Variants in SPIRE1 observed in about 807,000 individuals in gnomAD.
The protein encoded by SPIRE1 is spire type actin nucleation factor 1.
In SPIRE1, 40 loss-of-function variants were observed where a neutral mutation model predicts 94.1. That is an observed-to-expected ratio of 0.43 (90% CI 0.33 to 0.55). The LOEUF (loss-of-function observed/expected upper bound fraction) is 0.55, where lower values mean the gene tolerates loss of function less well. SPIRE1 is among the 20% of genes least tolerant of loss of function. The pLI is 0.06. For synonymous variants in SPIRE1, 376 were observed against 371.7 expected (o/e 1.01, Z -0.13); for missense variants, 838 against 975.2 (o/e 0.86, Z 1.87).
chr18:12,646,749 A>T (rs946286618), intron 1 of SPIRE1, among the ~76,000 whole-genome samples: 6 of 152,192 alleles, frequency 3.9e-5, no homozygotes, highest in Non-Finnish European at 7.3e-5. Flanking sequence ...GACTTAATTT[A>T]AAAAAATGTA....
At chr18:12,600,095 T>C (rs1362565384) in intron 2 of SPIRE1, among the ~76,000 whole-genome samples, 2 of 107,004 alleles carry the variant, frequency 1.9e-5, no homozygotes, top group Non-Finnish European at 1.9e-5. Flanking sequence ...CTCCAGCCAA[T>C]GGCCAGCAAA....
intron 2 of SPIRE1, among the ~76,000 whole-genome samples, chr18:12,554,386 A>G (rs191882511): frequency 3.2e-4 from 48 of 152,274 alleles, no homozygotes; most frequent in Admixed American, 1.6e-3. Flanking sequence ...AATAAATTGG[A>G]AAACTCAGAT....
At chr18:12,474,831 C>A (rs984750896) in intron 10 of SPIRE1, among the ~76,000 whole-genome samples, 3 of 151,922 alleles carry the variant, frequency 2.0e-5, no homozygotes, top group Admixed American at 6.6e-5. Context: ...AAAACCCCCC[C>A]AAAAAACCAT....
chr18:12,658,502 G>C (rs1242899115), upstream of SPIRE1: 2 of 456,606 alleles, frequency 4.4e-6, no homozygotes, highest in Non-Finnish European at 9.2e-6. Context: ...GACTCTGGCG[G>C]GGAACTGGGC....
chr18:12,602,040 G>A (rs944556884), intron 2 of SPIRE1, among the ~76,000 whole-genome samples: 4 of 152,118 alleles, frequency 2.6e-5, no homozygotes, highest in Admixed American at 6.5e-5. Flanking sequence ...GGGTGCCACT[G>A]CTTCCAGGCC....
chr18:12,454,816 G>GA (rs904548069), intron 12 of SPIRE1, among the ~76,000 whole-genome samples: 1 of 151,956 alleles, frequency 6.6e-6, no homozygotes, highest in African/African-American at 2.4e-5. Context: ...TTGAAATCTT[G>GA]AAAAAAATTT....
At chr18:12,603,271 T>C (rs1333883154) in intron 2 of SPIRE1, among the ~76,000 whole-genome samples, 1 of 152,218 alleles carries the variant, frequency 6.6e-6, no homozygotes, top group Non-Finnish European at 1.5e-5. Context: ...CATCATAAAG[T>C]CGAAAAATCT....
At chr18:12,619,544 T>TAAAAAATA (rs1454146208) in intron 2 of SPIRE1, among the ~76,000 whole-genome samples, 1 of 150,418 alleles carries the variant, frequency 6.6e-6, no homozygotes, top group East Asian at 2.0e-4. Flanking sequence ...AAAATAAAAA[T>TAAAAAATA]AAAAAATAAA....
In SPIRE1 at chr18:12,453,143, A is replaced by G; in HGVS notation, c.1777-5T>C. The G allele has an allele frequency of 6.2e-7, 1 of 1,602,708 alleles. No homozygotes were observed. The highest frequency in any genetic ancestry group is 8.5e-7 in the Non-Finnish European group (1 of 1,176,510). On this transcript the variant is annotated splice_region_variant and splice_polypyrimidine_tract_variant and intron_variant, in intron 13 of 16. Coordinates refer to ENST00000409402, the MANE Select transcript of SPIRE1 (RefSeq NM_001128626.2). The stretch of plus-strand genomic sequence containing the variant: ...GGTTCGGCAACAAAAGCAGAGCTAA[A>G]AAATACAAATTTAAGAGGAAAAAAA...
chr18:12,646,421 T>G (rs1463726691), intron 1 of SPIRE1, among the ~76,000 whole-genome samples: 1 of 152,184 alleles, frequency 6.6e-6, no homozygotes, highest in Non-Finnish European at 1.5e-5. Flanking sequence ...TTATCCCTCT[T>G]TGTATCGTCA....
At chr18:12,482,939 CTTTTT>C (rs11373716) in intron 9 of SPIRE1, among the ~76,000 whole-genome samples, 2 of 128,878 alleles carry the variant, frequency 1.6e-5, no homozygotes, top group African/African-American at 3.0e-5. Flanking sequence ...CTTAATTGCA[CTTTTT>C]TTTTTTTTTT....
intron 2 of SPIRE1, among the ~76,000 whole-genome samples, chr18:12,588,824 T>C (rs900534898): frequency 1.3e-5 from 2 of 152,222 alleles, no homozygotes. Flanking sequence ...TTTAACACTT[T>C]ACACTTGCTT....
chr18:12,602,423 T>G (rs1372887112), intron 2 of SPIRE1, among the ~76,000 whole-genome samples: 1 of 152,206 alleles, frequency 6.6e-6, no homozygotes, highest in Non-Finnish European at 1.5e-5. Flanking sequence ...ACTGGCTTAG[T>G]GAGTAGCCAG....
chr18:12,463,278 T>A, intron 12 of SPIRE1, 73 bp downstream of exon 12: 1 of 1,390,996 alleles, frequency 7.2e-7, no homozygotes, highest in Non-Finnish European at 9.6e-7. Flanking sequence ...CCTTATCATC[T>A]TCATAAGAAA....
intron 12 of SPIRE1, among the ~76,000 whole-genome samples, chr18:12,462,023 C>T (rs919574107): frequency 1.3e-5 from 2 of 152,146 alleles, no homozygotes; most frequent in Non-Finnish European, 2.9e-5. Context: ...TAGATTTTTA[C>T]GTTTGAATCT....
chr18:12,461,650 CAG>C (rs1390291267), intron 12 of SPIRE1, among the ~76,000 whole-genome samples: 1 of 125,518 alleles, frequency 8.0e-6, no homozygotes, highest in African/African-American at 2.6e-5. Flanking sequence ...TTTTTAGAGA[CAG>C]GGTCTTGCTG....
At chr18:12,453,013 G>C in intron 14 of SPIRE1, 55 bp downstream of exon 14, 2 of 1,117,554 alleles carry the variant, frequency 1.8e-6, no homozygotes, top group Non-Finnish European at 2.6e-6. Flanking sequence ...AAGATAATTG[G>C]TATTTCTCTT....
chr18:12,525,187 G>A (rs2034473236), intron 4 of SPIRE1, among the ~76,000 whole-genome samples: 1 of 146,436 alleles, frequency 6.8e-6, no homozygotes, highest in African/African-American at 2.5e-5. Flanking sequence ...TGAGGCAGGA[G>A]AATGGCGTGA....
chr18:12,484,961 T>C (rs1242764340), intron 9 of SPIRE1, among the ~76,000 whole-genome samples: 1 of 152,122 alleles, frequency 6.6e-6, no homozygotes, highest in Non-Finnish European at 1.5e-5. Context: ...TTTTAATTTA[T>C]AAAGGGTTGA....
Sources: gnomAD v4.1 joint callset for allele counts (sites outside exome capture counted in the v4.1 genomes callset) on GRCh38, gnomAD v4.1.1 for gene constraint, MANE v1.5 for transcripts, NCBI Gene and HGNC (gene_info 2026-07-23, HGNC 2026-07-21) for gene names.